Variants in RIBC2 observed in about 807,000 individuals in gnomAD.
The protein encoded by RIBC2 is RIB43A-like with coiled-coils protein 2.
RIBC2 carries 40 observed loss-of-function variants against 44.3 expected under a neutral mutation model. That is an observed-to-expected ratio of 0.90 (90% CI 0.70 to 1.18). The LOEUF (loss-of-function observed/expected upper bound fraction) is 1.18, where lower values mean the gene tolerates loss of function less well. RIBC2 is among the 50% of genes most tolerant of loss of function. The probability of loss-of-function intolerance (pLI) is 0.00; values close to 1 mark genes in which losing one functional copy is unlikely to be tolerated. For missense variants in RIBC2, 459 were observed against 485.5 expected, an observed-to-expected ratio of 0.95 and a Z score of 0.51; for synonymous variants, 171 against 175.0, an observed-to-expected ratio of 0.98 and a Z score of 0.18.
rs369395828 is a variant in RIBC2, at chr22:45,422,283, C to T, written c.557-7C>T. On this transcript the variant is annotated splice_polypyrimidine_tract_variant and splice_region_variant and intron_variant, in intron 3 of 6. Transcript: ENST00000614167. ...GGTCGATCTGATTGCTTCTTGCCTC[C>T]TTTCAGAGGCCCTCTACACAGAGAC... 48 of 1,607,978 alleles carry T rather than the reference C, an allele frequency of 3.0e-5. No individual in the cohort carries two copies. In the African/African-American group the frequency reaches 3.3e-4, roughly 11 times the overall value.
intron 3 of RIBC2, 182 bp downstream of exon 3, chr22:45,418,128 T>G (rs759714275): frequency 8.1e-5 from 40 of 494,136 alleles, no homozygotes; most frequent in Non-Finnish European, 1.3e-4. Context: ...ACTTTGGCCC[T>G]GTGGGGAAAG....
chr22:45,415,620 T>C (rs956778742), intron 2 of RIBC2, among the ~76,000 whole-genome samples: 2 of 129,932 alleles, frequency 1.5e-5, no homozygotes, highest in Admixed American at 1.5e-4. Context: ...TATATATATA[T>C]ATATAACAAC....
chr22:45,429,698 A>G (rs1382057865), intron 5 of RIBC2, among the ~76,000 whole-genome samples: 1 of 152,182 alleles, frequency 6.6e-6, no homozygotes, highest in Middle Eastern at 3.2e-3. Context: ...ATGGGGGTCC[A>G]GGGCCCTGCT....
In RIBC2 at chr22:45,422,457, GC is replaced by G. The variant is rs747337489; in HGVS notation, c.675+52del. 1.6e-5 allele frequency: 21 copies of G among 1,307,674 alleles called. No homozygotes were observed. The African/African-American group carries it at 2.9e-4, about 18-fold the overall frequency. 81.0% of individuals were successfully genotyped at this position (1,307,674 alleles called of 1,614,324 possible). Reference sequence around the variant, plus strand: ...GCTCGACGACTGGAGGGGAGGATGAGCCCACTACGGCTTCCCAAGGCTCTCC... The same window carrying G: ...GCTCGACGACTGGAGGGGAGGATGAGCCACTACGGCTTCCCAAGGCTCTCC... On this transcript the variant is annotated intron_variant, in intron 4 of 6. Coordinates refer to ENST00000614167, the MANE Select transcript of RIBC2 (RefSeq NM_015653.5).
intron 3 of RIBC2, 71 bp from the exon 4 acceptor site, chr22:45,422,219 G>A: frequency 9.5e-7 from 1 of 1,058,136 alleles, no homozygotes; most frequent in South Asian, 1.3e-5. Context: ...GGAGGCAAAG[G>A]CACGAACGGC....
chr22:45,419,052 CTCA>C (rs1273779276), intron 3 of RIBC2, among the ~76,000 whole-genome samples: 5 of 152,222 alleles, frequency 3.3e-5, no homozygotes, highest in Non-Finnish European at 7.3e-5. Context: ...TTGTTGGTTT[CTCA>C]TCTGCTCAAC....
At chr22:45,429,120 T>C (rs1199185736) in intron 5 of RIBC2, among the ~76,000 whole-genome samples, 1 of 152,136 alleles carries the variant, frequency 6.6e-6, no homozygotes, top group Non-Finnish European at 1.5e-5. Context: ...GCAGTGAGAC[T>C]GTTATTGGTA....
At chr22:45,419,476 G>A (rs1031550794) in intron 3 of RIBC2, among the ~76,000 whole-genome samples, 10 of 152,272 alleles carry the variant, frequency 6.6e-5, no homozygotes, top group Admixed American at 5.9e-4. Context: ...GCTCATGCCT[G>A]TAATCTCGGC....
At chr22:45,421,565 T>TTAATAA (rs1300290447) in intron 3 of RIBC2, among the ~76,000 whole-genome samples, 5 of 116,862 alleles carry the variant, frequency 4.3e-5, no homozygotes, top group South Asian at 6.0e-4. Flanking sequence ...AATAGTATTA[T>TTAATAA]TAATAATAGT....
At chr22:45,431,874 G>A (rs1317097796) in intron 6 of RIBC2, among the ~76,000 whole-genome samples, 1 of 152,244 alleles carries the variant, frequency 6.6e-6, no homozygotes, top group Non-Finnish European at 1.5e-5. Flanking sequence ...TGGGGAGGCT[G>A]AGGCAGGAGG....
chr22:45,429,775 G>A (rs2087563177), intron 5 of RIBC2, among the ~76,000 whole-genome samples: 1 of 152,172 alleles, frequency 6.6e-6, no homozygotes, highest in Non-Finnish European at 1.5e-5. Flanking sequence ...CATCCTGAAA[G>A]CAGTATTGCT....
chr22:45,432,462 C>G lies in RIBC2; in HGVS notation c.*100C>G. 1.4e-6 allele frequency: 1 copy of G among 736,264 alleles called. No individual in the cohort carries two copies. The highest frequency in any genetic ancestry group is 1.7e-5 in the South Asian group (1 of 58,868). 45.6% of individuals were successfully genotyped at this position (736,264 alleles called of 1,614,324 possible). On this transcript the variant is annotated 3_prime_UTR_variant, in exon 7 of 7. Coordinates refer to ENST00000614167, the MANE Select transcript of RIBC2 (RefSeq NM_015653.5). ...AGATACACTCCTTGGGCCACAAGTACCCTTCAGCTGTAATCGTCCACTGTG... is the reference window on the plus strand; with the variant it reads ...AGATACACTCCTTGGGCCACAAGTAGCCTTCAGCTGTAATCGTCCACTGTG...
intron 4 of RIBC2, among the ~76,000 whole-genome samples, chr22:45,423,656 T>A (rs2087507046): frequency 6.6e-6 from 1 of 152,062 alleles, no homozygotes; most frequent in Admixed American, 6.6e-5. Context: ...CACCAGAGAA[T>A]GTGGGTTTTC....
At chr22:45,414,038 G>T in intron 1 of RIBC2, 23 bp downstream of exon 1, 4 of 1,550,980 alleles carry the variant, frequency 2.6e-6, no homozygotes, top group Non-Finnish European at 3.5e-6. Flanking sequence ...GGGCCGGGAC[G>T]GGGTTAGAGC....
chr22:45,416,278 G>A (rs1426793766), intron 2 of RIBC2, among the ~76,000 whole-genome samples: 1 of 149,886 alleles, frequency 6.7e-6, no homozygotes, highest in African/African-American at 2.5e-5. Context: ...TTTTTTTTCA[G>A]TTGTTTTGTC....
intron 4 of RIBC2, among the ~76,000 whole-genome samples, chr22:45,424,370 C>T (rs899699186): frequency 1.7e-5 from 2 of 119,010 alleles, no homozygotes; most frequent in South Asian, 6.1e-4. Flanking sequence ...GGCACGCAGG[C>T]TCTGGAGCCC....
rs2087577216 is a variant in RIBC2, at chr22:45,431,146, G to A, written c.1070+80G>A. 4 of 1,466,422 alleles carry A rather than the reference G, an allele frequency of 2.7e-6. No homozygotes were observed. In the East Asian group the frequency reaches 9.9e-5, roughly 36 times the overall value. The allele number at this position is 1,466,422 out of a possible 1,614,324, so 90.8% of individuals were successfully genotyped here. Reference sequence around the variant, plus strand: ...GGCTGTGGAGGTCAAGGACGAGGAGGGGGCAGGAGGGGAAACACCCCGCCC... The same window carrying A: ...GGCTGTGGAGGTCAAGGACGAGGAGAGGGCAGGAGGGGAAACACCCCGCCC... On this transcript the variant is annotated intron_variant, in intron 6 of 6. Coordinates refer to ENST00000614167, the MANE Select transcript of RIBC2 (RefSeq NM_015653.5).
chr22:45,427,691 G>T (rs937894048), intron 5 of RIBC2, among the ~76,000 whole-genome samples: 1 of 152,242 alleles, frequency 6.6e-6, no homozygotes, highest in Non-Finnish European at 1.5e-5. Flanking sequence ...CTGGAGTGCA[G>T]TCATGCAGTC....
intron 2 of RIBC2, 137 bp downstream of exon 2, chr22:45,414,540 A>C (rs1006570536): frequency 1.9e-6 from 1 of 527,670 alleles, no homozygotes; most frequent in Admixed American, 3.8e-5. Context: ...GGGTCTCACT[A>C]TGTTGCCCAG....
Sources: gnomAD v4.1 joint callset for allele counts (sites outside exome capture counted in the v4.1 genomes callset) on GRCh38, gnomAD v4.1.1 for gene constraint, MANE v1.5 for transcripts, NCBI Gene and HGNC (gene_info 2026-07-23, HGNC 2026-07-21) for gene names.